KIF18B: variants seen among roughly 807,000 people sequenced by gnomAD.
KIF18B encodes kinesin-like protein KIF18B.
Under a neutral mutation model 80.9 loss-of-function variants are expected in KIF18B, and 49 were observed. That is an observed-to-expected ratio of 0.61 (90% CI 0.48 to 0.77). KIF18B has a LOEUF of 0.77. Ranked by LOEUF, KIF18B falls within the 30% of genes least tolerant of loss-of-function variation. The probability of loss-of-function intolerance (pLI) is 0.00; values close to 1 mark genes in which losing one functional copy is unlikely to be tolerated. For missense variants in KIF18B, 994 were observed against 1,127.7 expected (o/e 0.88, Z 1.70); for synonymous variants, 439 against 463.9 (o/e 0.95, Z 0.69).
chr17:44,932,336 G>A (rs1439571827), intron 9 of KIF18B, 130 bp from the exon 10 acceptor site: 17 of 1,025,394 alleles, frequency 1.7e-5, no homozygotes, highest in Non-Finnish European at 1.9e-5. Flanking sequence ...GTCGTATAGA[G>A]TCCATAAGGG....
At position 44,925,553 on chromosome 17, in the gene KIF18B, G is replaced by A. The variant is rs1053347949; in HGVS notation, c.*527C>T. On this transcript the variant is annotated 3_prime_UTR_variant, in exon 16 of 16. Transcript: ENST00000593135. ...CTCAGCACTTTGGGAAGCTGAGGCA[G>A]GCGGATCACCTGAGGTCAGGAGTTC... 5.3e-5 allele frequency: 9 copies of A among 169,276 alleles called. No individual in the cohort carries two copies. Among genetic ancestry groups the A allele is most frequent in the African/African-American group, 2.2e-4 (9 of 41,398 alleles). The allele number at this position is 169,276 out of a possible 1,614,324, so 10.5% of individuals were successfully genotyped here. A position where few individuals can be genotyped will look rare whatever the true frequency, so the allele number is the denominator to read the frequency against.
In KIF18B at chr17:44,934,736, C is replaced by G; in HGVS notation, c.576+95G>C. On this transcript the variant is annotated intron_variant, in intron 4 of 15. Coordinates refer to ENST00000593135, the MANE Select transcript of KIF18B (RefSeq NM_001265577.2). This position sits in a 1 kb window ranked among gnomAD's most constrained non-coding sequence, Gnocchi z 5.4. ...CCCTTGCTACCACCACCACTGCTAC[C>G]ACCATCACAGGACCCAGGGCATCCC... 7.9e-7 allele frequency: 1 copy of G among 1,258,220 alleles called. No individual in the cohort carries two copies. Among genetic ancestry groups the G allele is most frequent in the Non-Finnish European group, 1.1e-6 (1 of 903,538 alleles). 77.9% of individuals were successfully genotyped at this position (1,258,220 alleles called of 1,614,324 possible).
intron 9 of KIF18B, 49 bp downstream of exon 9, chr17:44,932,624 A>G: frequency 1.0e-6 from 1 of 996,744 alleles, no homozygotes; most frequent in Admixed American, 1.7e-5. Context: ...CTGGCTCCCC[A>G]TCCTGGCTGA....
chr17:44,936,150 G>A lies in KIF18B; in HGVS notation c.195C>T (p.Gly65=), dbSNP rs1278807802. ...GGTCAAAGACAAACGTCAGGTCTTT[G>A]CCCTTCTTCTTGGGGCCATCATGGG... ...GGTHDGPKKK[G]KDLTFVFDRV... is the part of the protein sequence containing the mutation. The change falls in exon 2 of 16, where the codon GGC becomes GGT. Residue 65 remains glycine, a synonymous_variant. Coordinates refer to ENST00000593135, the MANE Select transcript of KIF18B (RefSeq NM_001265577.2). The A allele has an allele frequency of 6.2e-7, 1 of 1,613,674 alleles. No individual in the cohort carries two copies. Among genetic ancestry groups the A allele is most frequent in the Non-Finnish European group, 8.5e-7 (1 of 1,179,806 alleles).
In KIF18B at chr17:44,932,955, T is replaced by C; in HGVS notation, c.1094A>G (p.His365Arg). The change falls in exon 8 of 16, where the codon CAC becomes CGC. Residue 365 changes from histidine to arginine, a missense_variant. By Grantham distance (29) the His-to-Arg change is conservative (BLOSUM62 0). Coordinates refer to ENST00000593135, the MANE Select transcript of KIF18B (RefSeq NM_001265577.2). ...GCAGATGGTAGCATACTGGCTGATG[T>C]GACAGTCCAGGCTGGTCACATTGCT... The part of the protein sequence containing the change: ...LKSNVTSLDC[H>R]ISQYATICQQ... 1 of 1,607,328 alleles carries C rather than the reference T, an allele frequency of 6.2e-7. No individual in the cohort carries two copies.
chr17:44,925,304 A>G lies in KIF18B; in HGVS notation c.*776T>C, dbSNP rs7214258. 58,470 of 151,926 alleles carry G rather than the reference A, an allele frequency of 0.38. 12,131 individuals carry two copies. The highest frequency in any genetic ancestry group is 0.53 in the African/African-American group (22,049 of 41,350). 9.4% of individuals were successfully genotyped at this position (151,926 alleles called of 1,614,324 possible). On this transcript the variant is annotated 3_prime_UTR_variant, in exon 16 of 16. Transcript: ENST00000593135. ...CTACTAAAAATACAAAAAATTAGCC[A>G]GGCGTGGTGGTGGGCGCCTGTAGTC...
intron 8 of KIF18B, 66 bp from the exon 9 acceptor site, chr17:44,932,839 GC>G: frequency 6.4e-7 from 1 of 1,555,720 alleles, no homozygotes; most frequent in South Asian, 1.2e-5. Flanking sequence ...GGCAGACAGA[GC>G]CCCCGCCACA....
At chr17:44,937,977 TACACAC>T (rs57130293) in intron 1 of KIF18B, among the ~76,000 whole-genome samples, 12,648 of 143,896 alleles carry the variant, frequency 0.088, 634 homozygotes, top group African/African-American at 0.14. Context: ...AGCATCTCCA[TACACAC>T]ACACACACAC....
In KIF18B at chr17:44,936,039, G is replaced by A. The variant is rs746194552; in HGVS notation, c.306C>T (p.Asn102=). ...CAGGGCTGAGGTTCTCACCTGAGCA[G>A]TTGTAGCCCTGGAGGAAGCTGTCCA... ...SVLDSFLQGY[N]CSVFAYGATG... The change falls in exon 2 of 16, where the codon AAC becomes AAT. Residue 102 remains asparagine (N), a synonymous_variant. Transcript: ENST00000593135. 1.9e-6 allele frequency: 3 copies of A among 1,613,662 alleles called. No homozygotes were observed. Among genetic ancestry groups the A allele is most frequent in the Non-Finnish European group, 2.5e-6 (3 of 1,179,832 alleles).
rs760357345 is a variant in KIF18B, at chr17:44,934,448, G to A, written c.688-18C>T. 22 of 1,603,798 alleles carry A rather than the reference G, an allele frequency of 1.4e-5. No individual in the cohort carries two copies. In the Admixed American group the frequency reaches 1.7e-4, roughly 12 times the overall value. Reference sequence around the variant, plus strand: ...ACAAAGATCTGAAGGCAGATGGCAGGGGTGAGGGGGAGATGGGCATCAGGG... The same window carrying A: ...ACAAAGATCTGAAGGCAGATGGCAGAGGTGAGGGGGAGATGGGCATCAGGG... On this transcript the variant is annotated intron_variant, in intron 5 of 15. Transcript: ENST00000593135. This position sits in a 1 kb window ranked among gnomAD's most constrained non-coding sequence, Gnocchi z 5.4.
intron 9 of KIF18B, chr17:44,932,413 G>A (rs554670566): frequency 3.3e-6 from 2 of 614,154 alleles, no homozygotes; most frequent in Admixed American, 3.0e-5. Flanking sequence ...TCTGGTTTGA[G>A]AGACAATGAC....
In KIF18B at chr17:44,927,519, G is replaced by C. The variant is rs979362075; in HGVS notation, c.2277-441C>G. Among the ~76,000 whole-genome samples, 7 of 152,226 alleles carry C rather than the reference G, an allele frequency of 4.6e-5. No homozygotes were observed. The highest frequency in any genetic ancestry group is 1.7e-4 in the African/African-American group (7 of 41,464). On this transcript the variant is annotated intron_variant, in intron 13 of 15. Coordinates refer to ENST00000593135, the MANE Select transcript of KIF18B (RefSeq NM_001265577.2). The surrounding 1 kb of genome is among the most constrained non-coding windows in gnomAD (Gnocchi z 4.1). ...CCTCCTCTGCCATGTGTGTGGAAAG[G>C]GGGAGTGACAGCTTCGTCTTCTCAC...
At chr17:44,931,555 C>T in intron 11 of KIF18B, 47 bp downstream of exon 11, 2 of 1,613,284 alleles carry the variant, frequency 1.2e-6, no homozygotes, top group Non-Finnish European at 1.7e-6. Context: ...GAGGCTGAGC[C>T]CATTGCTTCC....
Position 44,935,349 on chromosome 17 carries a change from G to A in KIF18B, c.381C>T (p.Gly127=). 1 of 1,613,332 alleles carries A rather than the reference G, an allele frequency of 6.2e-7. No homozygotes were observed. The highest frequency in any genetic ancestry group is 8.5e-7 in the Non-Finnish European group (1 of 1,179,544). ...GTTCCACGGTGGTCAGGTACATGAT[G>A]CCGGGGTCCCCCTCCCTTCCCAGCA... is the stretch of plus-strand genomic sequence containing the variant. The part of the protein sequence containing the change: ...HTMLGREGDP[G]IMYLTTVELY... The change falls in exon 3 of 16, where the codon GGC becomes GGT. Residue 127 remains glycine (G), a synonymous_variant. Coordinates refer to ENST00000593135, the MANE Select transcript of KIF18B (RefSeq NM_001265577.2).
chr17:44,932,325 G>A, intron 9 of KIF18B, 119 bp from the exon 10 acceptor site: 2 of 1,181,770 alleles, frequency 1.7e-6, no homozygotes, highest in Non-Finnish European at 2.3e-6. Context: ...GTGGCACCCA[G>A]GTCGTATAGA....
chr17:44,927,410 A>G lies in KIF18B; in HGVS notation c.2277-332T>C, dbSNP rs961614328. Among the ~76,000 whole-genome samples, 1 of 152,082 alleles carries G rather than the reference A, an allele frequency of 6.6e-6. No individual in the cohort carries two copies. Among genetic ancestry groups the G allele is most frequent in the African/African-American group, 2.4e-5 (1 of 41,412 alleles). On this transcript the variant is annotated intron_variant, in intron 13 of 15. Transcript: ENST00000593135. This position sits in a 1 kb window ranked among gnomAD's most constrained non-coding sequence, Gnocchi z 4.1. ...AATGGGCGGGTGCGTGGGTGGGCAG[A>G]GCCTGCCAGCCTCTGCCCCACAGGT...
chr17:44,936,356 C>T lies in KIF18B; in HGVS notation c.-12G>A. On this transcript the variant is annotated splice_region_variant and 5_prime_UTR_variant, in exon 2 of 16. Transcript: ENST00000593135. ...TCCTCCACTGCCATCACTGTGGTGACACCTGGGTGAGACATGGTGGAGCTG... is the reference window on the plus strand; with the variant it reads ...TCCTCCACTGCCATCACTGTGGTGATACCTGGGTGAGACATGGTGGAGCTG... 3 of 1,593,690 alleles carry T rather than the reference C, an allele frequency of 1.9e-6. No individual in the cohort carries two copies. The highest frequency in any genetic ancestry group is 2.6e-6 in the Non-Finnish European group (3 of 1,171,744).
At chr17:44,935,601 G>A (rs1388752986) in intron 2 of KIF18B, among the ~76,000 whole-genome samples, 185 bp from the exon 3 acceptor site, 1 of 152,150 alleles carries the variant, frequency 6.6e-6, no homozygotes, top group East Asian at 1.9e-4. Context: ...TTCCCCCATA[G>A]GCCAGTGGAT....
intron 14 of KIF18B, 74 bp from the exon 15 acceptor site, chr17:44,926,573 C>A: frequency 1.5e-6 from 2 of 1,377,924 alleles, no homozygotes; most frequent in Non-Finnish European, 1.9e-6. Flanking sequence ...TGAAGTGGGG[C>A]ATATAAGTAC....
Sources: allele counts gnomAD v4.1 joint callset (sites outside exome capture counted in the v4.1 genomes callset), GRCh38; gene constraint gnomAD v4.1.1; non-coding constraint Gnocchi (gnomAD v3.1); transcripts MANE v1.5; gene names NCBI Gene and HGNC (gene_info 2026-07-23, HGNC 2026-07-21).